Variants in PDGFRA observed in about 807,000 individuals in gnomAD.
PDGFRA encodes platelet-derived growth factor receptor alpha.
Under a neutral mutation model 121.5 loss-of-function variants are expected in PDGFRA, and 25 were observed. That is an observed-to-expected ratio of 0.21 (90% CI 0.15 to 0.29). PDGFRA has a LOEUF of 0.29. Among genes scored for constraint, PDGFRA ranks in the 10% least tolerant of loss-of-function variants. The pLI is 1.00. For synonymous variants in PDGFRA, 463 were observed against 494.8 expected (o/e 0.94, Z 0.85); for missense variants, 1,008 against 1,345.1 (o/e 0.75, Z 3.92).
Position 54,254,569 on chromosome 4 carries a change from G to T in PDGFRA, c.-12-4188G>T, listed in dbSNP as rs1228329620. Among the ~76,000 whole-genome samples the T allele has an allele frequency of 7.9e-5, 12 of 152,320 alleles. No homozygotes were observed. In the East Asian group the frequency reaches 2.3e-3, roughly 29 times the overall value. On this transcript the variant is annotated intron_variant, in intron 1 of 22. Coordinates refer to ENST00000257290, the MANE Select transcript of PDGFRA (RefSeq NM_006206.6). Reference sequence around the variant, plus strand: ...GAACCCTTCTTTTAAGCTCGAGAATGCTTTAAAGATGCATCATTGGCAAGC... The same window carrying T: ...GAACCCTTCTTTTAAGCTCGAGAATTCTTTAAAGATGCATCATTGGCAAGC...
At chr4:54,271,740 C>T (rs1723373113) in intron 8 of PDGFRA, among the ~76,000 whole-genome samples, 1 of 147,936 alleles carries the variant, frequency 6.8e-6, no homozygotes, top group African/African-American at 2.5e-5. Context: ...CTTCCTTCCT[C>T]ACTCACTCTT....
chr4:54,239,119 C>A (rs114258481), intron 1 of PDGFRA, among the ~76,000 whole-genome samples: 79 of 152,302 alleles, frequency 5.2e-4, no homozygotes, highest in African/African-American at 1.9e-3. Context: ...AATGCATTAG[C>A]ATGTTAAAAG....
chr4:54,281,776 C>T (rs1169554370), intron 16 of PDGFRA: 2 of 1,327,944 alleles, frequency 1.5e-6, no homozygotes, highest in Non-Finnish European at 2.0e-6. Flanking sequence ...TTGCCTTCTT[C>T]CTCGAAAACC....
chr4:54,248,327 T>C (rs1229682960), intron 1 of PDGFRA, among the ~76,000 whole-genome samples: 1 of 152,134 alleles, frequency 6.6e-6, no homozygotes, highest in Non-Finnish European at 1.5e-5. Flanking sequence ...ACTACAAAGC[T>C]ACAGTAACCA....
rs886059447 is a variant in PDGFRA at position 54,278,355 on chromosome 4, C to T, written c.2003-7C>T. On this transcript the variant is annotated splice_polypyrimidine_tract_variant and splice_region_variant and intron_variant, in intron 14 of 22. Coordinates refer to ENST00000257290, the MANE Select transcript of PDGFRA (RefSeq NM_006206.6). ...TACCCATCTCCTAACGGCTTTTGTC[C>T]CCATAGGCCCCATTTACATCATCAC... is the stretch of plus-strand genomic sequence containing the variant. 12 of 1,612,506 alleles carry T rather than the reference C, an allele frequency of 7.4e-6. No individual in the cohort carries two copies. Among genetic ancestry groups the T allele is most frequent in the Non-Finnish European group, 1.0e-5 (12 of 1,178,840 alleles).
At chr4:54,248,702 C>T (rs905046883) in intron 1 of PDGFRA, among the ~76,000 whole-genome samples, 1 of 152,086 alleles carries the variant, frequency 6.6e-6, no homozygotes, top group African/African-American at 2.4e-5. Flanking sequence ...GCAACAAAAG[C>T]CAAAATTGAC....
Position 54,296,405 on chromosome 4 carries a change from T to C in PDGFRA, c.*1133T>C, listed in dbSNP as rs1577757730. On this transcript the variant is annotated 3_prime_UTR_variant, in exon 23 of 23. Coordinates refer to ENST00000257290, the MANE Select transcript of PDGFRA (RefSeq NM_006206.6). ...TTTTCTTCATGCCTGATGAAAGCTT[T>C]GGCGACCCCAATATATGTATTTTTT... 5 of 212,566 alleles carry C rather than the reference T, an allele frequency of 2.4e-5. No homozygotes were observed. The East Asian group carries it at 3.6e-4, about 15-fold the overall frequency. The allele number at this position is 212,566 out of a possible 1,614,324, so 13.2% of individuals were successfully genotyped here. A position where few individuals can be genotyped will look rare whatever the true frequency, so the allele number is the denominator to read the frequency against.
Position 54,261,404 on chromosome 4 carries a change from A to G in PDGFRA, c.359A>G (p.Tyr120Cys). ...NELEGRHIYI[Y>C]VPDPDVAFVP... is the part of the protein sequence containing the mutation. ...CTTGAAGGCAGGCACATTTACATCT[A>G]TGTGCCAGGTGAGTTGGCTGGGTCT... Residue 120 changes from tyrosine (Y) to cysteine (C), a missense_variant, in exon 3 of 23, where the codon TAT (tyrosine) becomes TGT (cysteine). By Grantham distance (194) the Tyr-to-Cys change is radical (BLOSUM62 -2). This residue lies in a region of PDGFRA where 575 missense variants were observed against 701.8 expected (regional missense o/e 0.82). Coordinates refer to ENST00000257290, the MANE Select transcript of PDGFRA (RefSeq NM_006206.6). 6.2e-7 allele frequency: 1 copy of G among 1,613,664 alleles called. No individual in the cohort carries two copies. Among genetic ancestry groups the G allele is most frequent in the South Asian group, 1.1e-5 (1 of 91,072 alleles).
At chr4:54,284,802 G>GTA (rs1491341194) in intron 16 of PDGFRA, among the ~76,000 whole-genome samples, 1 of 1,134 alleles carries the variant, frequency 8.8e-4, no homozygotes, top group Non-Finnish European at 0.036. Context: ...ATATCATTGC[G>GTA]TGTGTGTGTG....
intron 16 of PDGFRA, chr4:54,281,698 G>A (rs576894526): frequency 3.5e-5 from 48 of 1,362,388 alleles, no homozygotes; most frequent in Admixed American, 6.6e-5. Context: ...GAAAAAAATC[G>A]TGAATGGCTA....
intron 1 of PDGFRA, chr4:54,243,576 A>T (rs909757208): frequency 6.6e-6 from 1 of 152,214 alleles, no homozygotes; most frequent in Non-Finnish European, 1.5e-5. Flanking sequence ...TTAAAGGAGG[A>T]GGTTGGAGCC....
chr4:54,264,587 G>C, intron 4 of PDGFRA: 1 of 337,014 alleles, frequency 3.0e-6, no homozygotes, highest in Non-Finnish European at 5.7e-6. Flanking sequence ...ATCAGCAAAT[G>C]TTGGTTGATT....
chr4:54,287,419 C>G lies in PDGFRA; in HGVS notation c.2563-11C>G, dbSNP rs2110341072. ...AGACATGGGTTTAACTGTCTCCCTC[C>G]TTCCTTGCAGACCTTTCTGCCCGTG... On this transcript the variant is annotated splice_polypyrimidine_tract_variant and intron_variant, in intron 18 of 22. Coordinates refer to ENST00000257290, the MANE Select transcript of PDGFRA (RefSeq NM_006206.6). 3 of 1,114,790 alleles carry G rather than the reference C, an allele frequency of 2.7e-6. No individual in the cohort carries two copies. Among genetic ancestry groups the G allele is most frequent in the Middle Eastern group, 2.0e-4 (1 of 5,094 alleles). 69.1% of individuals were successfully genotyped at this position (1,114,790 alleles called of 1,614,324 possible).
intron 1 of PDGFRA, among the ~76,000 whole-genome samples, chr4:54,234,443 C>T (rs978749038): frequency 1.1e-4 from 17 of 152,224 alleles, no homozygotes; most frequent in African/African-American, 4.1e-4. Flanking sequence ...GCTGGCCACT[C>T]GTAAGAACTA....
At chr4:54,231,560 G>A (rs1720671314) in intron 1 of PDGFRA, among the ~76,000 whole-genome samples, 1 of 152,242 alleles carries the variant, frequency 6.6e-6, no homozygotes, top group Admixed American at 6.5e-5. Context: ...CCCCGGCACT[G>A]CTGAATTGCA....
chr4:54,261,898 C>CATATATATATATATATATATAT (rs397880252), intron 3 of PDGFRA, among the ~76,000 whole-genome samples: 2 of 95,306 alleles, frequency 2.1e-5, no homozygotes, highest in African/African-American at 8.1e-5. Context: ...AAAAAAGTTA[C>CATATATATATATATATATATAT]ATATATATAT....
intron 1 of PDGFRA, among the ~76,000 whole-genome samples, 153 bp from the exon 2 acceptor site, chr4:54,258,604 G>A (rs374858199): frequency 2.0e-4 from 30 of 152,234 alleles, no homozygotes; most frequent in African/African-American, 6.5e-4. Context: ...TCTTTCAGGC[G>A]TCTTACTGTT....
intron 16 of PDGFRA, among the ~76,000 whole-genome samples, chr4:54,284,253 T>G (rs1724202210): frequency 6.6e-6 from 1 of 152,204 alleles, no homozygotes; most frequent in African/African-American, 2.4e-5. Flanking sequence ...AGTTCCAAAC[T>G]TTCCTTCATC....
At chr4:54,292,442 C>T (rs975618392) in intron 22 of PDGFRA, among the ~76,000 whole-genome samples, 2 of 152,194 alleles carry the variant, frequency 1.3e-5, no homozygotes, top group Admixed American at 6.5e-5. Context: ...ACCACATGTT[C>T]TCACTTATAA....
Sources: allele counts gnomAD v4.1 joint callset (sites outside exome capture counted in the v4.1 genomes callset), GRCh38; gene constraint gnomAD v4.1.1; regional missense constraint gnomAD v4.1.1; transcripts MANE v1.5; gene names NCBI Gene and HGNC (gene_info 2026-07-23, HGNC 2026-07-21).